The following HPSE2 variants were observed in gnomAD, a reference collection of about 807,000 sequenced individuals.
The protein encoded by HPSE2 is inactive heparanase-2.
Under a neutral mutation model 60.5 loss-of-function variants are expected in HPSE2, and 38 were observed. The observed-to-expected ratio is 0.63, with a 90% confidence interval of 0.48 to 0.82. The LOEUF is 0.82. HPSE2 is among the 40% of genes least tolerant of loss of function. The pLI, the probability that HPSE2 is intolerant of heterozygous loss-of-function variation, is 0.00. For synonymous variants in HPSE2, 295 were observed against 293.2 expected (o/e 1.01, Z -0.06); for missense variants, 713 against 740.4 (o/e 0.96, Z 0.43).
At chr10:99,174,722 A>T (rs1319344403) in intron 2 of HPSE2, among the ~76,000 whole-genome samples, 8 of 152,198 alleles carry the variant, frequency 5.3e-5, no homozygotes. Flanking sequence ...ACATGATTGT[A>T]TTTGGAGACA....
chr10:98,616,981 T>C (rs1589515513), intron 8 of HPSE2, among the ~76,000 whole-genome samples: 2 of 152,226 alleles, frequency 1.3e-5, no homozygotes, highest in South Asian at 2.1e-4. Context: ...TAACGCCTCC[T>C]AAGTAGTGTT....
chr10:99,312,792 A>G, the HPSE2 span, among the ~76,000 whole-genome samples: 1 of 152,260 alleles, frequency 6.6e-6, no homozygotes, highest in East Asian at 1.9e-4. Context: ...AGGTCTGGGC[A>G]AAGTCAATTG....
At chr10:98,566,372 G>C (rs928675082) in intron 9 of HPSE2, among the ~76,000 whole-genome samples, 2 of 152,160 alleles carry the variant, frequency 1.3e-5, no homozygotes, top group African/African-American at 4.8e-5. Flanking sequence ...TTTTGGAAAG[G>C]CAAAGCCTAC....
chr10:98,474,207 T>C (rs1292202804), intron 11 of HPSE2, among the ~76,000 whole-genome samples: 2 of 152,336 alleles, frequency 1.3e-5, no homozygotes, highest in African/African-American at 2.4e-5. Context: ...TATTTTGTTT[T>C]TGAGTGTCTG....
Position 98,520,202 on chromosome 10 carries a change from T to A in HPSE2, c.1321-30006A>T, listed in dbSNP as rs565767244. On this transcript the variant is annotated intron_variant, in intron 9 of 11. Transcript: ENST00000370552. ...AGGGCAGCTATACCCAGAACTCCAC[T>A]GGGTTAGGGAGAAGGGGCCATTCCT... 2.0e-5 allele frequency among the ~76,000 whole-genome samples: 3 copies of A among 152,308 alleles called. No individual in the cohort carries two copies. In the East Asian group the frequency reaches 5.8e-4, roughly 29 times the overall value.
intron 5 of HPSE2, among the ~76,000 whole-genome samples, chr10:98,708,451 G>A (rs1324092261): frequency 1.1e-5 from 1 of 87,474 alleles, no homozygotes; most frequent in Non-Finnish European, 3.0e-5. Flanking sequence ...GTGAGACTAC[G>A]TCTCAAAAAA....
At chr10:99,050,882 G>A (rs1564766311) in intron 3 of HPSE2, among the ~76,000 whole-genome samples, 1 of 152,014 alleles carries the variant, frequency 6.6e-6, no homozygotes, top group Non-Finnish European at 1.5e-5. Context: ...ACGGTACAAT[G>A]TTTAAGTTAC....
chr10:98,706,443 G>C (rs1254706346), intron 5 of HPSE2, among the ~76,000 whole-genome samples: 1 of 152,156 alleles, frequency 6.6e-6, no homozygotes. Context: ...TCTGCTACAA[G>C]ACAACCACAA....
intron 11 of HPSE2, among the ~76,000 whole-genome samples, chr10:98,460,420 A>G (rs1940238368): frequency 6.6e-6 from 1 of 152,094 alleles, no homozygotes. Context: ...TGAGTCCAGG[A>G]GTTTGAGACT....
intron 9 of HPSE2, among the ~76,000 whole-genome samples, chr10:98,554,956 C>T (rs1943962896): frequency 6.6e-6 from 1 of 152,166 alleles, no homozygotes; most frequent in Admixed American, 6.5e-5. Context: ...CAACTTTAGC[C>T]TTATCCTAAA....
At chr10:98,510,449 C>G (rs1036898916) in intron 9 of HPSE2, among the ~76,000 whole-genome samples, 1 of 152,214 alleles carries the variant, frequency 6.6e-6, no homozygotes, top group East Asian at 1.9e-4. Context: ...AACCTGGAGT[C>G]TGGCTTCCTG....
At chr10:99,306,056 A>G in the HPSE2 span, among the ~76,000 whole-genome samples, 1 of 150,680 alleles carries the variant, frequency 6.6e-6, no homozygotes, top group Non-Finnish European at 1.5e-5. Flanking sequence ...AAGAGAGAAG[A>G]AAAAAAATGA....
intron 3 of HPSE2, among the ~76,000 whole-genome samples, chr10:99,105,432 T>A (rs1419304592): frequency 7.5e-6 from 1 of 133,632 alleles, no homozygotes; most frequent in African/African-American, 2.5e-5. Context: ...AATCAGGTTA[T>A]TTTTTTTTTC....
chr10:98,721,937 AC>A (rs1948937802), intron 4 of HPSE2, 109 bp from the exon 5 acceptor site: 3 of 926,134 alleles, frequency 3.2e-6, no homozygotes, highest in African/African-American at 1.7e-5. Flanking sequence ...AAAAAAAAAA[AC>A]AATAAAAAAG....
At chr10:98,671,658 C>T (rs567385718) in intron 6 of HPSE2, among the ~76,000 whole-genome samples, 74 of 152,180 alleles carry the variant, frequency 4.9e-4, no homozygotes, top group African/African-American at 1.6e-3. Flanking sequence ...AAGAACAGGC[C>T]CCAGTTTCAA....
chr10:99,218,177 G>T (rs1466261066), intron 2 of HPSE2, among the ~76,000 whole-genome samples: 1 of 151,606 alleles, frequency 6.6e-6, no homozygotes, highest in African/African-American at 2.4e-5. Context: ...CATCCTACAG[G>T]TAAGTAACTG....
intron 3 of HPSE2, among the ~76,000 whole-genome samples, chr10:99,134,298 C>T (rs1317040005): frequency 6.6e-6 from 1 of 152,262 alleles, no homozygotes; most frequent in Non-Finnish European, 1.5e-5. Context: ...AAACACTCTT[C>T]GGGATATTAT....
chr10:98,641,412 C>T (rs545535169), intron 7 of HPSE2, among the ~76,000 whole-genome samples: 25 of 151,966 alleles, frequency 1.6e-4, no homozygotes, highest in Non-Finnish European at 2.1e-4. Context: ...CATGGTGAAA[C>T]GCCATCTCTG....
chr10:98,968,342 C>G (rs116020548), intron 3 of HPSE2, among the ~76,000 whole-genome samples: 9 of 151,832 alleles, frequency 5.9e-5, no homozygotes, highest in African/African-American at 2.2e-4. Context: ...ATTTAAAAAC[C>G]AAAAAATAAT....
Sources: allele counts gnomAD v4.1 joint callset (sites outside exome capture counted in the v4.1 genomes callset), GRCh38; gene constraint gnomAD v4.1.1; transcripts MANE v1.5; gene names NCBI Gene and HGNC (gene_info 2026-07-23, HGNC 2026-07-21).